The following NEBL variants were observed in gnomAD, a reference collection of about 807,000 sequenced individuals.
The protein encoded by NEBL is LIM and SH3 protein 2.
A neutral mutation model predicts 140.2 loss-of-function variants in NEBL; 122 were observed. The observed-to-expected ratio is 0.87, with a 90% CI of 0.75 to 1.01. The LOEUF is 1.01. Among genes scored for constraint, NEBL ranks in the 50% least tolerant of loss-of-function variants. NEBL has a pLI of 0.00. For missense variants in NEBL, 1,365 were observed against 1,231.3 expected (o/e 1.11, Z -1.62); for synonymous variants, 436 against 398.9 (o/e 1.09, Z -1.11).
chr10:21,124,244 C>T (rs1838712201), intron 2 of NEBL, among the ~76,000 whole-genome samples: 1 of 152,144 alleles, frequency 6.6e-6, no homozygotes, highest in Non-Finnish European at 1.5e-5. Context: ...ATTGATAGAA[C>T]TGTTACTAAT....
chr10:21,261,228 G>A lies in NEBL; in HGVS notation n.183-9400C>T, dbSNP rs1000994813. Reference sequence around the variant, plus strand: ...AGTGGGAGCCACAAGGCTCCAGGCTGCTCTGCTAAATGTCACTGACATTAA... The same window carrying A: ...AGTGGGAGCCACAAGGCTCCAGGCTACTCTGCTAAATGTCACTGACATTAA... On this transcript the variant is annotated intron_variant and non_coding_transcript_variant, in intron 1 of 8. Coordinates refer to the NEBL transcript ENST00000675702. Among the ~76,000 whole-genome samples the A allele has an allele frequency of 2.6e-5, 4 of 152,170 alleles. 1 individual carries two copies. Among genetic ancestry groups the A allele is most frequent in the South Asian group, 4.1e-4 (2 of 4,826 alleles).
At position 21,267,267 on chromosome 10, in the gene NEBL, C is replaced by T. The variant is rs550300184; in HGVS notation, n.183-15439G>A. ...CTGGGATTACAGGCATGAGCCACCA[C>T]ACCTGGCCTCTAATTTTTGTTTTTT... On this transcript the variant is annotated intron_variant and non_coding_transcript_variant, in intron 1 of 8. Coordinates refer to the NEBL transcript ENST00000675702. Among the ~76,000 whole-genome samples the T allele has an allele frequency of 5.3e-5, 8 of 150,662 alleles. No homozygotes were observed. In the South Asian group the frequency reaches 6.4e-4, roughly 12 times the overall value.
chr10:20,809,200 T>A (rs1837898388), intron 25 of NEBL, among the ~76,000 whole-genome samples: 1 of 152,176 alleles, frequency 6.6e-6, no homozygotes, highest in African/African-American at 2.4e-5. Flanking sequence ...TTGTTTAACA[T>A]AACTGCATAA....
At position 21,027,677 on chromosome 10, in the gene NEBL, T is replaced by C. The variant is rs115838974; in HGVS notation, c.165-7476A>G. On this transcript the variant is annotated intron_variant, in intron 2 of 6. Coordinates refer to the NEBL transcript ENST00000417816. ...AAGCAAAAGTTGTGACTTCACATCA[T>C]GAAACTGGCTTTTTAGCTCCTCCTC... Among the ~76,000 whole-genome samples, 445 of 152,284 alleles carry C rather than the reference T, an allele frequency of 2.9e-3. 3 individuals carry two copies. The highest frequency in any genetic ancestry group is 0.01 in the African/African-American group (416 of 41,550).
At chr10:20,918,572 G>A (rs989748410) in intron 4 of NEBL, among the ~76,000 whole-genome samples, 7 of 151,612 alleles carry the variant, frequency 4.6e-5, no homozygotes, top group East Asian at 2.0e-4. Flanking sequence ...TATTGGGGCC[G>A]GGCACGGCTG....
chr10:20,855,304 T>C (rs1842955059), intron 9 of NEBL, among the ~76,000 whole-genome samples: 1 of 151,932 alleles, frequency 6.6e-6, no homozygotes, highest in African/African-American at 2.4e-5. Flanking sequence ...CTTTATAATT[T>C]GATTAGAAGT....
At chr10:21,185,589 C>T (rs1224643478) in intron 3 of NEBL, among the ~76,000 whole-genome samples, 1 of 149,668 alleles carries the variant, frequency 6.7e-6, no homozygotes, top group Non-Finnish European at 1.5e-5. Flanking sequence ...CCCTCCATCT[C>T]CCAGGTTCAA....
chr10:21,290,890 A>T (rs1007128417), intron 1 of NEBL, among the ~76,000 whole-genome samples: 3 of 152,124 alleles, frequency 2.0e-5, no homozygotes, highest in African/African-American at 7.2e-5. Flanking sequence ...CACGGCTCCC[A>T]TGCTTATGCA....
At chr10:21,268,264 T>C (rs909862443) in intron 1 of NEBL, among the ~76,000 whole-genome samples, 1 of 151,192 alleles carries the variant, frequency 6.6e-6, no homozygotes, top group East Asian at 2.0e-4. Flanking sequence ...AGGACAGGAG[T>C]TCAAGACCAG....
rs1000419842 is a variant in NEBL at position 20,819,371 on chromosome 10, A to T, written c.2055+53T>A. On this transcript the variant is annotated intron_variant, in intron 20 of 27. Coordinates refer to ENST00000377122, the MANE Select transcript of NEBL (RefSeq NM_006393.3). ...TGGCCTTCCAAAGGGCATATTTTTA[A>T]ATAAAAATATGTTATGTTTGAGAAA... The T allele has an allele frequency of 2.1e-5, 34 of 1,612,228 alleles. No individual in the cohort carries two copies. In the East Asian group the frequency reaches 7.4e-4, roughly 35 times the overall value.
rs75625090 is a variant in NEBL, at chr10:20,830,076, G to C, written c.1671+1120C>G. On this transcript the variant is annotated intron_variant, in intron 16 of 27. Coordinates refer to ENST00000377122, the MANE Select transcript of NEBL (RefSeq NM_006393.3). ...TCCAAGTTCACGAACACTGAGAACA[G>C]AACACACACTTCAGGATCATCCCAG... 5.2e-3 allele frequency among the ~76,000 whole-genome samples: 791 copies of C among 152,308 alleles called. 8 individuals carry two copies. Among genetic ancestry groups the C allele is most frequent in the African/African-American group, 0.019 (769 of 41,566 alleles).
At chr10:20,968,240 C>T (rs1205515462) in intron 3 of NEBL, among the ~76,000 whole-genome samples, 2 of 152,026 alleles carry the variant, frequency 1.3e-5, no homozygotes, top group Non-Finnish European at 2.9e-5. Flanking sequence ...CACCGTGGCT[C>T]CTGCCTGCAA....
chr10:20,915,780 A>T (rs1848529804), intron 4 of NEBL, among the ~76,000 whole-genome samples: 1 of 152,128 alleles, frequency 6.6e-6, no homozygotes, highest in Non-Finnish European at 1.5e-5. Context: ...CAGTAATGGG[A>T]TGGCTGGGTC....
At chr10:20,901,188 G>A (rs1215964867), upstream of NEBL, among the ~76,000 whole-genome samples, 1 of 152,148 alleles carries the variant, frequency 6.6e-6, no homozygotes, top group Non-Finnish European at 1.5e-5. Flanking sequence ...AGGGCCTTCT[G>A]CAACTAGACA....
chr10:21,126,258 G>GA (rs1838830610), intron 2 of NEBL: 2 of 815,790 alleles, frequency 2.5e-6, no homozygotes, highest in Non-Finnish European at 3.8e-6. Context: ...CAAAATCAGG[G>GA]ACTTCTTTTG....
chr10:21,186,144 TA>T (rs1841466586), intron 3 of NEBL, among the ~76,000 whole-genome samples: 1 of 152,136 alleles, frequency 6.6e-6, no homozygotes, highest in Admixed American at 6.5e-5. Context: ...AAGGCACACT[TA>T]AAACTTTAAA....
At chr10:21,275,968 CTT>C (rs35122753) in intron 1 of NEBL, among the ~76,000 whole-genome samples, 82 of 124,258 alleles carry the variant, frequency 6.6e-4, no homozygotes, top group Non-Finnish European at 6.8e-4. Flanking sequence ...CCAGCCCTTT[CTT>C]TTTTTTTTTT....
chr10:20,970,355 T>C (rs754174967), intron 3 of NEBL, among the ~76,000 whole-genome samples: 7 of 152,022 alleles, frequency 4.6e-5, no homozygotes, highest in Non-Finnish European at 7.4e-5. Context: ...AGAATACAAA[T>C]AGGCTGGGCA....
chr10:21,216,493 C>G (rs1262044455), intron 3 of NEBL, among the ~76,000 whole-genome samples: 2 of 151,990 alleles, frequency 1.3e-5, no homozygotes, highest in African/African-American at 4.8e-5. Context: ...ATCTCTTGGG[C>G]CAGGCGCAGT....
Sources: allele counts gnomAD v4.1 joint callset (sites outside exome capture counted in the v4.1 genomes callset), GRCh38; gene constraint gnomAD v4.1.1; transcripts MANE v1.5; gene names NCBI Gene and HGNC (gene_info 2026-07-23, HGNC 2026-07-21).